Variants in PRSS57 observed in about 807,000 individuals in gnomAD.
The protein encoded by PRSS57 is serine protease 57, also known as neutrophil serine protease 4.
A neutral mutation model predicts 20.6 loss-of-function variants in PRSS57; 19 were observed. The observed-to-expected ratio is 0.92, with a 90% CI of 0.64 to 1.35. The LOEUF is 1.35. PRSS57 is among the 40% of genes most tolerant of loss of function. PRSS57 has a pLI of 0.00. For synonymous variants in PRSS57, 203 were observed against 176.6 expected, an observed-to-expected ratio of 1.15 and a Z score of -1.19; for missense variants, 440 against 403.7, an observed-to-expected ratio of 1.09 and a Z score of -0.77.
chr19:687,429 G>A (rs1777011602), intron 3 of PRSS57, among the ~76,000 whole-genome samples: 1 of 151,928 alleles, frequency 6.6e-6, no homozygotes, highest in Non-Finnish European at 1.5e-5. Flanking sequence ...TTTTTGAGAT[G>A]GAGTCTCGCT....
At chr19:694,015 C>T (rs1392243566) in intron 2 of PRSS57, among the ~76,000 whole-genome samples, 1 of 151,870 alleles carries the variant, frequency 6.6e-6, no homozygotes, top group African/African-American at 2.4e-5. Flanking sequence ...GCTGGGATTA[C>T]AGGCATGAGC....
rs2031661466 is a variant in PRSS57, at chr19:691,954, A to T, written c.282T>A (p.Thr94=). The T allele has an allele frequency of 7.5e-7, 1 of 1,331,200 alleles. No homozygotes were observed. Among genetic ancestry groups the T allele is most frequent in the Non-Finnish European group, 9.7e-7 (1 of 1,031,254 alleles). The allele number at this position is 1,331,200 out of a possible 1,614,324, so 82.5% of individuals were successfully genotyped here. Residue 94 remains threonine (T), a synonymous_variant, in exon 3 of 5, where the codon ACT becomes ACA. Coordinates refer to ENST00000329267, the MANE Select transcript of PRSS57 (RefSeq NM_001308209.2). ...LVVLGAHVLS[T]AEPTQQVFGI... ...CAAACACCTGCTGGGTGGGCTCCGC[A>T]GTACTCAGGACGTGGGCGCCCAGCA...
intron 3 of PRSS57, chr19:690,721 T>C: frequency 2.9e-6 from 1 of 339,876 alleles, no homozygotes; most frequent in Non-Finnish European, 5.7e-6. Context: ...GCCACGTCGG[T>C]CTGGGTGTTG....
intron 1 of PRSS57, 99 bp from the exon 2 acceptor site, chr19:695,066 G>A (rs2144820464): frequency 8.4e-7 from 1 of 1,184,068 alleles, no homozygotes; most frequent in Non-Finnish European, 1.1e-6. Flanking sequence ...GACAGAGACA[G>A]GGGGTGAGAT....
At chr19:695,052 C>G in intron 1 of PRSS57, 85 bp from the exon 2 acceptor site, 1 of 1,285,802 alleles carries the variant, frequency 7.8e-7, no homozygotes, top group South Asian at 1.6e-5. Context: ...GAAGTAGCGG[C>G]CAAGACAGAG....
chr19:685,982 C>T, intron 4 of PRSS57, 60 bp from the exon 5 acceptor site: 1 of 1,416,336 alleles, frequency 7.1e-7, no homozygotes, highest in Middle Eastern at 2.0e-4. Context: ...CACATCTCAC[C>T]ACGGCCCTCC....
At chr19:693,923 G>A (rs1283102904) in intron 2 of PRSS57, among the ~76,000 whole-genome samples, 5 of 152,082 alleles carry the variant, frequency 3.3e-5, no homozygotes, top group Non-Finnish European at 7.4e-5. Context: ...TGTATTTTTA[G>A]TAGAGATGGG....
Position 685,832 on chromosome 19 carries a change from C to A in PRSS57, c.733G>T (p.Asp245Tyr), listed in dbSNP as rs199855649. 2 of 1,563,806 alleles carry A rather than the reference C, an allele frequency of 1.3e-6. No homozygotes were observed. The highest frequency in any genetic ancestry group is 1.7e-6 in the Non-Finnish European group (2 of 1,154,308). The change falls in exon 5 of 5, where the codon GAC becomes TAC. Residue 245 changes from aspartate (D) to tyrosine (Y), a missense_variant. Transcript: ENST00000329267. ...GLWCGDPKTPDVYTQVSAFVA... is the reference protein window; with the variant it reads ...GLWCGDPKTPYVYTQVSAFVA... ...AAGGCGGACACCTGCGTGTACACGT[C>A]GGGGGTCTTGGGGTCGCCGCACCAG...
At position 695,023 on chromosome 19, in the gene PRSS57, T is replaced by TGGGGTCA. The variant is rs1315619332; in HGVS notation, c.80-63_80-57dup. 3 of 1,458,540 alleles carry TGGGGTCA rather than the reference T, an allele frequency of 2.1e-6. No individual in the cohort carries two copies. The African/African-American group carries it at 4.3e-5, about 21-fold the overall frequency. 90.3% of individuals were successfully genotyped at this position (1,458,540 alleles called of 1,614,324 possible). A position where few individuals can be genotyped will look rare whatever the true frequency, so the allele number is the denominator to read the frequency against. ...AGGCGGGAGGAACGGATGACGGGGC[T>TGGGGTCA]GGGGTCAGGGCAGGGGGAGAAGTAG... On this transcript the variant is annotated intron_variant, in intron 1 of 4. Coordinates refer to ENST00000329267, the MANE Select transcript of PRSS57 (RefSeq NM_001308209.2).
chr19:687,054 C>A lies in PRSS57; in HGVS notation c.513G>T (p.Pro171=), dbSNP rs768413362. 1 of 1,614,060 alleles carries A rather than the reference C, an allele frequency of 6.2e-7. No homozygotes were observed. The highest frequency in any genetic ancestry group is 2.2e-5 in the East Asian group (1 of 44,880). Residue 171 remains proline, a synonymous_variant, in exon 4 of 5, where the codon CCG becomes CCT. Transcript: ENST00000329267. ...WGFVSDFEEL[P]PGLMEAKVRV... ...GGACCTTGGCCTCCATCAGTCCAGG[C>A]GGCAGCTCCTCAAAGTCAGACACGA...
intron 3 of PRSS57, among the ~76,000 whole-genome samples, chr19:690,042 G>C (rs913909621): frequency 7.3e-5 from 11 of 150,526 alleles, no homozygotes; most frequent in Non-Finnish European, 1.6e-4. Context: ...GCCAAAGTGA[G>C]ACTCCGTCTC....
At chr19:689,990 T>G (rs1333509247) in intron 3 of PRSS57, among the ~76,000 whole-genome samples, 1 of 122,390 alleles carries the variant, frequency 8.2e-6, no homozygotes, top group Non-Finnish European at 1.7e-5. Flanking sequence ...GAGATGGAGG[T>G]TGCAGTGAGC....
intron 2 of PRSS57, 65 bp from the exon 3 acceptor site, chr19:692,067 C>A: frequency 3.2e-6 from 4 of 1,242,952 alleles, no homozygotes; most frequent in Non-Finnish European, 3.0e-6. Flanking sequence ...TCGGTCCACT[C>A]ATCTATGAAA....
chr19:688,138 G>A (rs1599114569), intron 3 of PRSS57, among the ~76,000 whole-genome samples: 1 of 152,214 alleles, frequency 6.6e-6, no homozygotes, highest in Non-Finnish European at 1.5e-5. Flanking sequence ...TAATGGGCCT[G>A]GGAAGGACGG....
intron 3 of PRSS57, among the ~76,000 whole-genome samples, chr19:688,216 C>T (rs1054270638): frequency 6.6e-6 from 1 of 152,186 alleles, no homozygotes; most frequent in African/African-American, 2.4e-5. Flanking sequence ...CTTGATGTCT[C>T]GCTCAGCCTC....
rs891519843 is a variant in PRSS57, at chr19:688,183, G to A, written c.379-995C>T. Among the ~76,000 whole-genome samples the A allele has an allele frequency of 1.2e-4, 18 of 152,312 alleles. No individual in the cohort carries two copies. The East Asian group carries it at 2.7e-3, about 23-fold the overall frequency. ...CTGTCTCTGGTTCTCTGATTTGTGCGTCTTGGGTTCATTCCTGACATTCTT... is the reference window on the plus strand; with the variant it reads ...CTGTCTCTGGTTCTCTGATTTGTGCATCTTGGGTTCATTCCTGACATTCTT... On this transcript the variant is annotated intron_variant, in intron 3 of 4. Transcript: ENST00000329267.
chr19:689,275 G>C (rs1397196354), intron 3 of PRSS57, among the ~76,000 whole-genome samples: 1 of 151,698 alleles, frequency 6.6e-6, no homozygotes, highest in African/African-American at 2.4e-5. Context: ...TGGTCCAGGG[G>C]TTAGCAGGTG....
chr19:686,208 C>CT (rs1393308905), intron 4 of PRSS57, among the ~76,000 whole-genome samples: 2 of 152,090 alleles, frequency 1.3e-5, no homozygotes, highest in Non-Finnish European at 2.9e-5. Flanking sequence ...GTGTTTTGGG[C>CT]AGTGCACAAC....
At chr19:694,655 T>C (rs2031737203) in intron 2 of PRSS57, among the ~76,000 whole-genome samples, 159 bp downstream of exon 2, 1 of 151,724 alleles carries the variant, frequency 6.6e-6, no homozygotes, top group African/African-American at 2.4e-5. Flanking sequence ...CTCCCTGCCT[T>C]ATCCTCCTGT....
Sources: gnomAD v4.1 joint callset for allele counts (sites outside exome capture counted in the v4.1 genomes callset) on GRCh38, gnomAD v4.1.1 for gene constraint, MANE v1.5 for transcripts, NCBI Gene and HGNC (gene_info 2026-07-23, HGNC 2026-07-21) for gene names.